TLN2: variants seen among roughly 807,000 people sequenced by gnomAD.
TLN2 encodes talin-2.
Under a neutral mutation model 294.7 loss-of-function variants are expected in TLN2, and 118 were observed. The observed-to-expected ratio is 0.40, with a 90% CI of 0.34 to 0.47. TLN2 has a LOEUF of 0.47. Ranked by LOEUF, TLN2 falls within the 20% of genes least tolerant of loss-of-function variation. TLN2 has a pLI of 0.84. For missense variants in TLN2, 3,083 were observed against 3,282.2 expected, an observed-to-expected ratio of 0.94 and a Z score of 1.48; for synonymous variants, 1,431 against 1,304.5, an observed-to-expected ratio of 1.10 and a Z score of -2.09.
intron 28 of TLN2, among the ~76,000 whole-genome samples, chr15:62,728,538 C>T (rs2060556456): frequency 6.6e-6 from 1 of 152,170 alleles, no homozygotes; most frequent in Non-Finnish European, 1.5e-5. Flanking sequence ...TATGGAAGCT[C>T]CAGTTGTTCT....
chr15:62,588,517 AGCTACACAG>A (rs1567150135), intron 1 of TLN2, among the ~76,000 whole-genome samples: 1 of 151,290 alleles, frequency 6.6e-6, no homozygotes, highest in African/African-American at 2.4e-5. Flanking sequence ...GCACCTTCCT[AGCTACACAG>A]GAGGCTGAAG....
At chr15:62,690,777 G>C (rs2057805968) in intron 12 of TLN2, among the ~76,000 whole-genome samples, 1 of 151,032 alleles carries the variant, frequency 6.6e-6, no homozygotes, top group Admixed American at 6.6e-5. Context: ...TCGGGAGGCC[G>C]AGGCTGGCGG....
At chr15:62,446,594 C>T (rs943594830) in intron 1 of TLN2, among the ~76,000 whole-genome samples, 8 of 152,132 alleles carry the variant, frequency 5.3e-5, no homozygotes, top group Admixed American at 1.3e-4. Context: ...TTGGATGATC[C>T]GTTTTACATC....
intron 1 of TLN2, among the ~76,000 whole-genome samples, chr15:62,447,184 TTTAA>T (rs1181335570): frequency 4.6e-5 from 7 of 151,648 alleles, no homozygotes; most frequent in South Asian, 2.1e-4. Context: ...TATTTATTTA[TTTAA>T]TTAGGAACTA....
At chr15:62,794,845 C>T (rs755117366) in intron 46 of TLN2, among the ~76,000 whole-genome samples, 45 of 152,308 alleles carry the variant, frequency 3.0e-4, no homozygotes, top group Admixed American at 1.7e-3. Flanking sequence ...GGCACGGTAA[C>T]ACAGTGACTC....
chr15:62,575,428 A>C (rs968202915), intron 1 of TLN2, among the ~76,000 whole-genome samples: 5 of 152,214 alleles, frequency 3.3e-5, no homozygotes, highest in Non-Finnish European at 5.9e-5. Context: ...AAAAAATCAG[A>C]ATCAGTGTAA....
At chr15:62,709,720 T>TTTTTTCC (rs1555483298) in intron 21 of TLN2, among the ~76,000 whole-genome samples, 1 of 148,548 alleles carries the variant, frequency 6.7e-6, no homozygotes, top group Non-Finnish European at 1.5e-5. Flanking sequence ...TTAAAGACTT[T>TTTTTTCC]TTTTTTCTTT....
chr15:62,409,817 A>T (rs1185313532), intron 1 of TLN2, among the ~76,000 whole-genome samples: 1 of 152,210 alleles, frequency 6.6e-6, no homozygotes, highest in Non-Finnish European at 1.5e-5. Flanking sequence ...TTTCTTGACC[A>T]GTGTAATAGA....
Position 62,744,726 on chromosome 15 carries a change from T to C in TLN2, c.4026-3625T>C, listed in dbSNP as rs367938693. ...CATGCCCAGCTAATTTTTGTATTTT[T>C]AGTAGAGACGGGGTTTCACCATGTT... On this transcript the variant is annotated intron_variant, in intron 32 of 58. Transcript: ENST00000636159. Among the ~76,000 whole-genome samples the C allele has an allele frequency of 1.2e-3, 179 of 152,232 alleles. 1 individual carries two copies. The East Asian group carries it at 0.016, about 14-fold the overall frequency.
chr15:62,664,272 A>G (rs1031504758), intron 9 of TLN2, among the ~76,000 whole-genome samples: 3 of 151,952 alleles, frequency 2.0e-5, no homozygotes, highest in East Asian at 1.9e-4. Context: ...ATAGCAGTAT[A>G]TACTTCAAAG....
chr15:62,434,615 T>G (rs2035195308), intron 1 of TLN2, among the ~76,000 whole-genome samples: 1 of 152,244 alleles, frequency 6.6e-6, no homozygotes, highest in South Asian at 2.1e-4. Context: ...TGTATCATTT[T>G]TAATCATTTA....
chr15:62,624,710 C>T (rs1282311878), intron 3 of TLN2, among the ~76,000 whole-genome samples: 1 of 152,148 alleles, frequency 6.6e-6, no homozygotes, highest in Non-Finnish European at 1.5e-5. Flanking sequence ...TCTGTGATGT[C>T]AAAGGGGTGT....
At chr15:62,480,546 C>T (rs1270212262) in intron 1 of TLN2, among the ~76,000 whole-genome samples, 1 of 152,132 alleles carries the variant, frequency 6.6e-6, no homozygotes, top group Non-Finnish European at 1.5e-5. Flanking sequence ...AAAATGTCTT[C>T]TTATTTTACA....
chr15:62,437,031 A>G (rs2035319172), intron 1 of TLN2, among the ~76,000 whole-genome samples: 1 of 152,220 alleles, frequency 6.6e-6, no homozygotes, highest in South Asian at 2.1e-4. Flanking sequence ...GCCCAACCCA[A>G]TTGTATGATT....
chr15:62,838,964 G>C lies in TLN2; in HGVS notation c.7483G>C (p.Val2495Leu). Reference protein sequence around the residue: ...DDDVVVKTKFVGGIAQIIAAQ... With the variant: ...DDDVVVKTKFLGGIAQIIAAQ... ...CGATGTTGTAGTGAAAACCAAGTTT[G>C]TGGGGGGCATTGCTCAGGTTTGTAA... The change falls in exon 58 of 59, where the codon GTG (valine) becomes CTG (leucine). Residue 2495 changes from valine to leucine, a missense_variant. Physicochemically the swap from Val to Leu is conservative, Grantham distance 32 (BLOSUM62 1). Transcript: ENST00000636159. The C allele has an allele frequency of 6.2e-7, 1 of 1,614,194 alleles. No homozygotes were observed. Among genetic ancestry groups the C allele is most frequent in the East Asian group, 2.2e-5 (1 of 44,892 alleles).
At chr15:62,667,218 G>C (rs1006895590) in intron 9 of TLN2, among the ~76,000 whole-genome samples, 2 of 152,242 alleles carry the variant, frequency 1.3e-5, no homozygotes, top group East Asian at 1.9e-4. Context: ...CGCCCGCCTT[G>C]GCCTCCCAAA....
intron 1 of TLN2, among the ~76,000 whole-genome samples, chr15:62,440,189 A>G (rs762097572): frequency 6.6e-6 from 1 of 152,186 alleles, no homozygotes; most frequent in African/African-American, 2.4e-5. Flanking sequence ...CTGTCTTTCA[A>G]GTCTCAGTTT....
At chr15:62,559,288 C>T (rs2042778487) in intron 1 of TLN2, among the ~76,000 whole-genome samples, 3 of 152,128 alleles carry the variant, frequency 2.0e-5, no homozygotes, top group Admixed American at 6.5e-5. Flanking sequence ...AAAACCTCTC[C>T]CAGTTCTGCG....
In TLN2 at chr15:62,841,536, G is replaced by A. The variant is rs776014254; in HGVS notation, c.*926G>A. 5.9e-5 allele frequency: 9 copies of A among 152,210 alleles called. No homozygotes were observed. Among genetic ancestry groups the A allele is most frequent in the East Asian group, 1.9e-4 (1 of 5,188 alleles). 9.4% of individuals were successfully genotyped at this position (152,210 alleles called of 1,614,324 possible). Reference sequence around the variant, plus strand: ...GTGCCTTCAGAATGGTCACAAGCCCGGATTGGAAAGGATCTGCTTACAAAC... The same window carrying A: ...GTGCCTTCAGAATGGTCACAAGCCCAGATTGGAAAGGATCTGCTTACAAAC... On this transcript the variant is annotated 3_prime_UTR_variant, in exon 59 of 59. Coordinates refer to ENST00000636159, the MANE Select transcript of TLN2 (RefSeq NM_015059.3).
Sources: allele counts gnomAD v4.1 joint callset (sites outside exome capture counted in the v4.1 genomes callset), GRCh38; gene constraint gnomAD v4.1.1; transcripts MANE v1.5; gene names NCBI Gene and HGNC (gene_info 2026-07-23, HGNC 2026-07-21).